Variants in EPM2A observed in about 807,000 individuals in gnomAD.
EPM2A encodes laforin.
In EPM2A, 21 loss-of-function variants were observed where a neutral mutation model predicts 26.5. The ratio of observed to expected loss-of-function variants is 0.79; its 90% CI spans 0.56 to 1.14. The LOEUF (loss-of-function observed/expected upper bound fraction) is 1.14. EPM2A is among the 50% of genes most tolerant of loss of function. The pLI is 0.00. For missense variants in EPM2A, 458 were observed against 440.8 expected, an observed-to-expected ratio of 1.04 and a Z score of -0.35; for synonymous variants, 217 against 177.6, an observed-to-expected ratio of 1.22 and a Z score of -1.76.
chr6:145,538,975 T>C (rs1780471150), intron 2 of EPM2A, among the ~76,000 whole-genome samples: 1 of 152,142 alleles, frequency 6.6e-6, no homozygotes, highest in Admixed American at 6.5e-5. Context: ...TAGTATGGAG[T>C]TACAGAGACA....
chr6:145,697,280 T>C (rs1435023414), intron 1 of EPM2A, among the ~76,000 whole-genome samples: 1 of 151,946 alleles, frequency 6.6e-6, no homozygotes, highest in African/African-American at 2.4e-5. Context: ...TTTTTATTAG[T>C]GATTTTCAAA....
downstream of EPM2A, among the ~76,000 whole-genome samples, chr6:145,496,862 C>T (rs1019260677): frequency 1.3e-5 from 2 of 151,776 alleles, no homozygotes; most frequent in Non-Finnish European, 2.9e-5. Flanking sequence ...CTCAGCCTCC[C>T]GAGTAGCTGG....
At chr6:145,508,109 G>A (rs540312053) in intron 2 of EPM2A, among the ~76,000 whole-genome samples, 3 of 152,302 alleles carry the variant, frequency 2.0e-5, no homozygotes, top group South Asian at 4.1e-4. Context: ...CACCAACAAA[G>A]CCTGGAAATG....
At chr6:145,538,215 C>T (rs1390762315) in intron 2 of EPM2A, among the ~76,000 whole-genome samples, 1 of 152,006 alleles carries the variant, frequency 6.6e-6, no homozygotes, top group East Asian at 1.9e-4. Flanking sequence ...ATTTATGCTC[C>T]CACCAACAGT....
chr6:145,625,727 C>A lies in EPM2A; in HGVS notation c.*1689G>T. 1.1e-6 allele frequency: 1 copy of A among 871,134 alleles called. No homozygotes were observed. The highest frequency in any genetic ancestry group is 2.0e-6 in the Non-Finnish European group (1 of 503,550). 54.0% of individuals were successfully genotyped at this position (871,134 alleles called of 1,614,324 possible). ...GGAAATGTGTCCTGGCTAGCTGCCT[C>A]TGCCCAAAGCAAATGTCATCTCCCC... On this transcript the variant is annotated 3_prime_UTR_variant, in exon 4 of 4. Coordinates refer to ENST00000367519, the MANE Select transcript of EPM2A (RefSeq NM_005670.4).
At chr6:145,698,547 T>C (rs1583076949) in intron 1 of EPM2A, among the ~76,000 whole-genome samples, 1 of 151,306 alleles carries the variant, frequency 6.6e-6, no homozygotes, top group African/African-American at 2.4e-5. Flanking sequence ...AAAACTTCTA[T>C]GATTATAAAA....
intron 2 of EPM2A, among the ~76,000 whole-genome samples, chr6:145,550,626 C>T (rs78364223): frequency 7.2e-5 from 11 of 152,094 alleles, no homozygotes; most frequent in South Asian, 2.1e-4. Flanking sequence ...ATTACTTATA[C>T]GAAGATTTTC....
intron 4 of EPM2A, among the ~76,000 whole-genome samples, chr6:145,400,487 C>T (rs950658912): frequency 6.6e-6 from 1 of 152,042 alleles, no homozygotes; most frequent in Non-Finnish European, 1.5e-5. Flanking sequence ...TAATATTGAC[C>T]CCCGCCCTTT....
At chr6:145,675,328 A>G (rs1014689535) in intron 2 of EPM2A, among the ~76,000 whole-genome samples, 2 of 152,214 alleles carry the variant, frequency 1.3e-5, no homozygotes, top group Non-Finnish European at 2.9e-5. Flanking sequence ...CCACTGCAAA[A>G]ACATGCCAAA....
chr6:145,735,522 C>G (rs1776827314), upstream of EPM2A: 1 of 1,175,552 alleles, frequency 8.5e-7, no homozygotes, highest in Non-Finnish European at 1.1e-6. Flanking sequence ...GGCGCGAATA[C>G]CCGGGCCCGG....
chr6:145,690,366 C>T (rs1381843227), intron 1 of EPM2A, among the ~76,000 whole-genome samples: 4 of 151,118 alleles, frequency 2.6e-5, no homozygotes, highest in African/African-American at 9.7e-5. Context: ...AAAAATTAGC[C>T]GGGTGCGGTG....
intron 2 of EPM2A, among the ~76,000 whole-genome samples, chr6:145,614,878 T>G (rs1775471669): frequency 6.6e-6 from 1 of 152,208 alleles, no homozygotes; most frequent in African/African-American, 2.4e-5. Context: ...AGTGAGTACA[T>G]GCTGTTAGAA....
intron 2 of EPM2A, among the ~76,000 whole-genome samples, chr6:145,554,397 GATAGATA>G (rs1780694100): frequency 6.6e-6 from 1 of 151,268 alleles, no homozygotes; most frequent in Non-Finnish European, 1.5e-5. Context: ...TGGATAAATA[GATAGATA>G]ATAGAGAGAT....
intron 2 of EPM2A, among the ~76,000 whole-genome samples, chr6:145,589,775 G>A (rs1781244215): frequency 6.6e-6 from 1 of 151,684 alleles, no homozygotes. Flanking sequence ...AGCAGCCGGA[G>A]AGTGGATAGC....
intron 3 of EPM2A, among the ~76,000 whole-genome samples, chr6:145,632,588 G>T (rs1169615041): frequency 2.0e-5 from 3 of 152,174 alleles, no homozygotes; most frequent in African/African-American, 7.2e-5. Context: ...AAGCATGCAA[G>T]AGTAAGGATC....
chr6:145,450,350 CAAAAAAAAAAA>C (rs368618860), intron 4 of EPM2A, among the ~76,000 whole-genome samples: 6 of 62,492 alleles, frequency 9.6e-5, no homozygotes, highest in East Asian at 9.2e-4. Flanking sequence ...GACTCCGTCT[CAAAAAAAAAAA>C]AAAAAAAAAA....
At chr6:145,691,203 A>G (rs1019687376) in intron 1 of EPM2A, among the ~76,000 whole-genome samples, 4 of 152,184 alleles carry the variant, frequency 2.6e-5, no homozygotes, top group African/African-American at 9.6e-5. Context: ...ATACCGAGAC[A>G]TGACATATTT....
At position 145,490,831 on chromosome 6, in the gene EPM2A, ATCT is replaced by A. The variant is rs573982847; in HGVS notation, c.555+11688_555+11690del. On this transcript the variant is annotated intron_variant, in intron 4 of 4. Transcript: ENST00000638717. The stretch of plus-strand genomic sequence containing the variant: ...TGCTTGTAGGGTCAGATGCATGGCC[ATCT>A]TCTTCTTTAATCTGCCCTTTTCTGT... 3.2e-3 allele frequency: 2,007 copies of A among 624,522 alleles called. 11 individuals are homozygous for A. Among genetic ancestry groups the A allele is most frequent in the Non-Finnish European group, 4.1e-3 (1,336 of 329,482 alleles). The allele number at this position is 624,522 out of a possible 1,614,324, so 38.7% of individuals were successfully genotyped here.
At chr6:145,583,878 G>T (rs1050707121) in intron 2 of EPM2A, among the ~76,000 whole-genome samples, 1 of 152,238 alleles carries the variant, frequency 6.6e-6, no homozygotes, top group Non-Finnish European at 1.5e-5. Context: ...AGGAGCACTG[G>T]CATCCATGCA....
Sources: allele counts gnomAD v4.1 joint callset (sites outside exome capture counted in the v4.1 genomes callset), GRCh38; gene constraint gnomAD v4.1.1; transcripts MANE v1.5; gene names NCBI Gene and HGNC (gene_info 2026-07-23, HGNC 2026-07-21).